The following ELFN1 variants were observed in gnomAD, a reference collection of about 807,000 sequenced individuals.
ELFN1 encodes protein ELFN1.
ELFN1 carries 6 observed loss-of-function variants against 7.6 expected under a neutral mutation model. That is an observed-to-expected ratio of 0.79 (90% confidence interval 0.43 to 1.56). ELFN1 has a LOEUF of 1.56. Among genes scored for constraint, ELFN1 ranks in the 40% most tolerant of loss-of-function variants. The probability of loss-of-function intolerance (pLI) is 0.01; values close to 1 mark genes in which losing one functional copy is unlikely to be tolerated. For synonymous variants in ELFN1, 657 were observed against 588.1 expected, an observed-to-expected ratio of 1.12 and a Z score of -1.70; for missense variants, 1,169 against 1,232.2, an observed-to-expected ratio of 0.95 and a Z score of 0.77.
rs190473747 is a variant in ELFN1 at position 1,724,977 on chromosome 7, G to A, written c.-294+15725G>A. On this transcript the variant is annotated intron_variant, in intron 3 of 3. Transcript: ENST00000424383. ...GTGCTAGCCCCCTCCCCACCATGCC[G>A]GGCATGGCCCTGGCGAGGCCCCTGT... Among the ~76,000 whole-genome samples the A allele has an allele frequency of 2.8e-3, 426 of 152,324 alleles. 5 individuals are homozygous for A. Among genetic ancestry groups the A allele is most frequent in the African/African-American group, 9.9e-3 (411 of 41,576 alleles).
intron 3 of ELFN1, among the ~76,000 whole-genome samples, chr7:1,711,367 G>A (rs1002983157): frequency 2.0e-5 from 3 of 152,046 alleles, no homozygotes; most frequent in African/African-American, 4.8e-5. Flanking sequence ...ACTGAGGCCC[G>A]CCTGTGGGAC....
intron 1 of ELFN1, among the ~76,000 whole-genome samples, chr7:1,676,091 C>G (rs1778864639): frequency 6.6e-6 from 1 of 152,198 alleles, no homozygotes; most frequent in Non-Finnish European, 1.5e-5. Flanking sequence ...AAGGTGGCAG[C>G]TGGTTCCTAG....
chr7:1,737,108 C>A (rs139435009), intron 3 of ELFN1, among the ~76,000 whole-genome samples: 4,762 of 152,212 alleles, frequency 0.031, 84 homozygotes, highest in Non-Finnish European at 0.051. Flanking sequence ...CTCGAACACA[C>A]CCCCTCTCCC....
At chr7:1,715,748 C>T (rs1358727971) in intron 3 of ELFN1, among the ~76,000 whole-genome samples, 1 of 152,166 alleles carries the variant, frequency 6.6e-6, no homozygotes, top group African/African-American at 2.4e-5. Flanking sequence ...CTGCAGATGC[C>T]CAGCCCCCTG....
At chr7:1,678,147 C>T (rs1034512098) in intron 1 of ELFN1, among the ~76,000 whole-genome samples, 13 of 152,166 alleles carry the variant, frequency 8.5e-5, no homozygotes, top group South Asian at 2.1e-4. Context: ...CAGCCCTGGG[C>T]GCCTGTGCCC....
chr7:1,719,570 A>G (rs983869291), intron 3 of ELFN1, among the ~76,000 whole-genome samples: 7 of 151,726 alleles, frequency 4.6e-5, no homozygotes, highest in Admixed American at 1.3e-4. Context: ...CTCCCTCCCT[A>G]CCTCAACCGA....
At chr7:1,690,979 G>T (rs913735705) in intron 2 of ELFN1, among the ~76,000 whole-genome samples, 1 of 152,200 alleles carries the variant, frequency 6.6e-6, no homozygotes, top group Non-Finnish European at 1.5e-5. Flanking sequence ...GAGACCTACA[G>T]GGACTGGAAA....
chr7:1,747,156 CA>C lies in ELFN1; in HGVS notation c.*75del. 7.2e-7 allele frequency: 1 copy of C among 1,384,170 alleles called. No individual in the cohort carries two copies. Among genetic ancestry groups the C allele is most frequent in the Non-Finnish European group, 9.4e-7 (1 of 1,058,320 alleles). 85.7% of individuals were successfully genotyped at this position (1,384,170 alleles called of 1,614,324 possible). A position where few individuals can be genotyped will look rare whatever the true frequency, so the allele number is the denominator to read the frequency against. On this transcript the variant is annotated 3_prime_UTR_variant, in exon 4 of 4. Transcript: ENST00000424383. ...CCACCCAGAGACTCAGCACCAAACCCAACACACGCACGCCACCACAGCAACT... is the reference window on the plus strand; with the variant it reads ...CCACCCAGAGACTCAGCACCAAACCCACACACGCACGCCACCACAGCAACT...
chr7:1,701,107 A>G (rs76516415), intron 2 of ELFN1, among the ~76,000 whole-genome samples: 15,577 of 151,114 alleles, frequency 0.1, 834 homozygotes, highest in Middle Eastern at 0.14. Flanking sequence ...GTGTGCGCAT[A>G]TGTGTGCGTA....
At chr7:1,712,307 A>G (rs1278057714) in intron 3 of ELFN1, among the ~76,000 whole-genome samples, 2 of 151,772 alleles carry the variant, frequency 1.3e-5, no homozygotes, top group Non-Finnish European at 2.9e-5. Flanking sequence ...TTTTTAGTAG[A>G]GACGGGGTTT....
intron 2 of ELFN1, among the ~76,000 whole-genome samples, chr7:1,691,560 G>A (rs558012116): frequency 6.6e-6 from 1 of 152,350 alleles, no homozygotes; most frequent in South Asian, 2.1e-4. Context: ...CACCTCTGAA[G>A]GCTGTGTTAG....
chr7:1,740,235 C>A lies in ELFN1; in HGVS notation c.-293-4069C>A, dbSNP rs555406697. The stretch of plus-strand genomic sequence containing the variant: ...AGATGGGCTGAGAGGAAGGGAGCTC[C>A]TTTCAGGCAGTGGGGAGCCGCCCTC... On this transcript the variant is annotated intron_variant, in intron 3 of 3. Coordinates refer to ENST00000424383, the MANE Select transcript of ELFN1 (RefSeq NM_001128636.4). This position sits in a 1 kb window ranked among gnomAD's most constrained non-coding sequence, Gnocchi z 5.0. Among the ~76,000 whole-genome samples the A allele has an allele frequency of 6.6e-6, 1 of 152,182 alleles. No individual in the cohort carries two copies. The highest frequency in any genetic ancestry group is 2.1e-4 in the South Asian group (1 of 4,836).
At chr7:1,686,318 T>C (rs551534051) in intron 1 of ELFN1, among the ~76,000 whole-genome samples, 2 of 149,684 alleles carry the variant, frequency 1.3e-5, no homozygotes, top group Admixed American at 1.3e-4. Flanking sequence ...CTTGTTTTTT[T>C]TTTTTTTTTT....
chr7:1,728,465 C>A (rs1780254088), intron 3 of ELFN1, among the ~76,000 whole-genome samples: 2 of 152,246 alleles, frequency 1.3e-5, no homozygotes, highest in Non-Finnish European at 2.9e-5. Context: ...CAGCTGCTGC[C>A]AACAGGCACC....
At chr7:1,694,029 C>G (rs1408589838) in intron 2 of ELFN1, 1 of 348,162 alleles carries the variant, frequency 2.9e-6, no homozygotes, top group African/African-American at 2.1e-5. Flanking sequence ...AGCTGAACAG[C>G]CTTCAGGGCC....
At chr7:1,693,859 C>T in intron 2 of ELFN1, 1 of 449,948 alleles carries the variant, frequency 2.2e-6, no homozygotes, top group South Asian at 1.6e-5. Flanking sequence ...GCAGAGGCTC[C>T]AGCAGGAGTG....
rs561161660 is a variant in ELFN1 at position 1,745,891 on chromosome 7, T to C, written c.1295T>C (p.Val432Ala). 6.3e-7 allele frequency: 1 copy of C among 1,590,086 alleles called. No homozygotes were observed. The highest frequency in any genetic ancestry group is 1.1e-5 in the South Asian group (1 of 87,810). Reference protein sequence around the residue: ...ILGCLFGMVLVLGAVYYCLRR... With the variant: ...ILGCLFGMVLALGAVYYCLRR... ...GGCTGCCTCTTCGGCATGGTGCTGG[T>C]GCTGGGCGCCGTCTACTACTGCCTG... The change falls in exon 4 of 4, where the codon GTG (valine) becomes GCG (alanine). Residue 432 changes from valine (V) to alanine (A), a missense_variant. Physicochemically the swap from Val to Ala is moderately conservative, Grantham distance 64 (BLOSUM62 0). Transcript: ENST00000424383.
intron 1 of ELFN1, among the ~76,000 whole-genome samples, chr7:1,677,027 G>A (rs537128414): frequency 6.6e-6 from 1 of 152,214 alleles, no homozygotes; most frequent in South Asian, 2.1e-4. Context: ...ACTGGGTGCC[G>A]ACGCTGGCAG....
chr7:1,736,642 G>A (rs1055685906), intron 3 of ELFN1, among the ~76,000 whole-genome samples: 2 of 152,180 alleles, frequency 1.3e-5, no homozygotes, highest in Non-Finnish European at 2.9e-5. Flanking sequence ...GGGTGATCAC[G>A]AGATGTCATA....
Sources: allele counts gnomAD v4.1 joint callset (sites outside exome capture counted in the v4.1 genomes callset), GRCh38; gene constraint gnomAD v4.1.1; non-coding constraint Gnocchi (gnomAD v3.1); transcripts MANE v1.5; gene names NCBI Gene and HGNC (gene_info 2026-07-23, HGNC 2026-07-21).